The following ZNF385D variants were observed in gnomAD, a reference collection of about 807,000 sequenced individuals.
The protein encoded by ZNF385D is zinc finger protein 659.
In ZNF385D, 15 loss-of-function variants were observed where a neutral mutation model predicts 35.8. That is an observed-to-expected ratio of 0.42 (90% confidence interval 0.28 to 0.64). The LOEUF (loss-of-function observed/expected upper bound fraction) is 0.64. Ranked by LOEUF, ZNF385D falls within the 30% of genes least tolerant of loss-of-function variation. The pLI, the probability that ZNF385D is intolerant of heterozygous loss-of-function variation, is 0.23. For synonymous variants in ZNF385D, 212 were observed against 186.8 expected (o/e 1.13, Z -1.10); for missense variants, 474 against 494.6 (o/e 0.96, Z 0.39).
chr3:22,279,196 G>A (rs888085527), intron 2 of ZNF385D, among the ~76,000 whole-genome samples: 5 of 151,822 alleles, frequency 3.3e-5, no homozygotes, highest in Non-Finnish European at 7.4e-5. Flanking sequence ...TGAGATCTTG[G>A]TGTACTCATC....
chr3:22,132,834 T>G lies in ZNF385D; in HGVS notation c.325+35983A>C, dbSNP rs577380237. The stretch of plus-strand genomic sequence containing the variant: ...CTTTCTATTCTGAAATTCTAAAAAA[T>G]ATATCTTATGTAAAGCGCTAAAGAT... On this transcript the variant is annotated intron_variant, in intron 3 of 5. Coordinates refer to the ZNF385D transcript ENST00000494108. Among the ~76,000 whole-genome samples the G allele has an allele frequency of 4.6e-5, 7 of 152,230 alleles. No homozygotes were observed. In the South Asian group the frequency reaches 6.2e-4, roughly 14 times the overall value.
intron 3 of ZNF385D, among the ~76,000 whole-genome samples, chr3:22,089,081 GAT>G (rs1489302214): frequency 2.0e-5 from 3 of 152,096 alleles, no homozygotes; most frequent in African/African-American, 7.2e-5. Flanking sequence ...CCAAGAAAAA[GAT>G]ACATTTTCTT....
intron 1 of ZNF385D, among the ~76,000 whole-genome samples, chr3:21,713,270 C>A (rs569852141): frequency 6.6e-6 from 1 of 152,192 alleles, no homozygotes; most frequent in Non-Finnish European, 1.5e-5. Flanking sequence ...GACTGCCCAT[C>A]TGCAGACCTG....
At chr3:21,904,947 A>G (rs894349255) in intron 3 of ZNF385D, among the ~76,000 whole-genome samples, 1 of 152,080 alleles carries the variant, frequency 6.6e-6, no homozygotes, top group Non-Finnish European at 1.5e-5. Flanking sequence ...TTTATCTGAA[A>G]GTACAAGAAA....
At chr3:21,965,769 A>G (rs1244963434) in intron 3 of ZNF385D, among the ~76,000 whole-genome samples, 1 of 152,200 alleles carries the variant, frequency 6.6e-6, no homozygotes, top group East Asian at 1.9e-4. Flanking sequence ...ATTTTTAGAA[A>G]AGACACACTG....
intron 3 of ZNF385D, among the ~76,000 whole-genome samples, chr3:22,112,710 T>G (rs537198236): frequency 1.3e-5 from 2 of 152,060 alleles, no homozygotes; most frequent in Non-Finnish European, 1.5e-5. Flanking sequence ...AAGCTACACA[T>G]AGAAGATGAA....
Position 22,174,740 on chromosome 3 carries a change from T to C in ZNF385D, c.107-5705A>G, listed in dbSNP as rs187313020. Among the ~76,000 whole-genome samples, 175 of 152,242 alleles carry C rather than the reference T, an allele frequency of 1.1e-3. 1 individual carries two copies. Among genetic ancestry groups the C allele is most frequent in the Middle Eastern group, 3.4e-3 (1 of 294 alleles). ...TAGAGATACTTCATGGCGATAACAC[T>C]GAAATACAACTAGTCAGGGTAGATG... On this transcript the variant is annotated intron_variant, in intron 2 of 5. Coordinates refer to the ZNF385D transcript ENST00000494108.
intron 4 of ZNF385D, among the ~76,000 whole-genome samples, chr3:21,437,722 G>A (rs73045437): frequency 0.33 from 8,787 of 26,530 alleles, 452 homozygotes; most frequent in Non-Finnish European, 0.42. Flanking sequence ...AAAAAAAACC[G>A]GAACCCTGAT....
chr3:21,662,804 A>C (rs2066278986), intron 2 of ZNF385D, among the ~76,000 whole-genome samples: 1 of 152,220 alleles, frequency 6.6e-6, no homozygotes, highest in African/African-American at 2.4e-5. Context: ...AAACTTTTGC[A>C]ATCAGTTAGA....
intron 3 of ZNF385D, among the ~76,000 whole-genome samples, chr3:21,817,009 G>C (rs2073179246): frequency 1.3e-5 from 2 of 152,130 alleles, no homozygotes; most frequent in Admixed American, 1.3e-4. Flanking sequence ...GAACAGAACA[G>C]AGCCCTCAGA....
chr3:21,586,329 A>G (rs1309945604), intron 2 of ZNF385D, among the ~76,000 whole-genome samples: 1 of 152,184 alleles, frequency 6.6e-6, no homozygotes, highest in African/African-American at 2.4e-5. Context: ...GGAAGATTAA[A>G]TGAAATAATA....
chr3:21,980,908 TA>T (rs1473247313), intron 3 of ZNF385D, among the ~76,000 whole-genome samples: 1 of 152,196 alleles, frequency 6.6e-6, no homozygotes, highest in Non-Finnish European at 1.5e-5. Flanking sequence ...ATTCTTTTTT[TA>T]TGGTTGCATA....
rs75930128 is a variant in ZNF385D at position 21,832,898 on chromosome 3, T to C, written c.326-167870A>G. ...TGCACCAGATATTCAGTTCATTCAC[T>C]GATTCCCCTTAATGATATACTTGTG... On this transcript the variant is annotated intron_variant, in intron 3 of 5. Coordinates refer to the ZNF385D transcript ENST00000494108. 9.6e-3 allele frequency among the ~76,000 whole-genome samples: 1,467 copies of C among 152,332 alleles called. 23 individuals carry two copies. The highest frequency in any genetic ancestry group is 0.013 in the Non-Finnish European group (853 of 68,024).
At chr3:21,546,723 TG>T (rs2062385289) in intron 3 of ZNF385D, among the ~76,000 whole-genome samples, 1 of 151,982 alleles carries the variant, frequency 6.6e-6, no homozygotes. Context: ...TCCTGTTTCA[TG>T]GATAAAGGCC....
At chr3:22,193,061 G>C (rs553845357) in intron 2 of ZNF385D, among the ~76,000 whole-genome samples, 1 of 152,122 alleles carries the variant, frequency 6.6e-6, no homozygotes, top group Non-Finnish European at 1.5e-5. Flanking sequence ...GATAAGACAA[G>C]AGTAACCGTT....
At chr3:22,015,661 C>G (rs942307106) in intron 3 of ZNF385D, among the ~76,000 whole-genome samples, 3 of 152,118 alleles carry the variant, frequency 2.0e-5, no homozygotes, top group Non-Finnish European at 4.4e-5. Flanking sequence ...TTTCTAACAA[C>G]AATGGCTTTA....
intron 3 of ZNF385D, among the ~76,000 whole-genome samples, chr3:21,964,776 G>T (rs1702813002): frequency 7.0e-6 from 1 of 143,016 alleles, no homozygotes; most frequent in Non-Finnish European, 1.5e-5. Context: ...ATAGGCATGA[G>T]CCACTGCGCC....
intron 2 of ZNF385D, among the ~76,000 whole-genome samples, chr3:22,216,916 G>A (rs1190283279): frequency 1.3e-5 from 2 of 152,106 alleles, no homozygotes; most frequent in Non-Finnish European, 2.9e-5. Context: ...ATATGATGAA[G>A]ATGAGTGAGC....
chr3:21,823,718 G>T (rs979699900), intron 3 of ZNF385D, among the ~76,000 whole-genome samples: 1 of 152,010 alleles, frequency 6.6e-6, no homozygotes, highest in Non-Finnish European at 1.5e-5. Context: ...AACCACAGAA[G>T]GTATGTTTCC....
Sources: gnomAD v4.1 joint callset for allele counts (sites outside exome capture counted in the v4.1 genomes callset) on GRCh38, gnomAD v4.1.1 for gene constraint, MANE v1.5 for transcripts, NCBI Gene and HGNC (gene_info 2026-07-23, HGNC 2026-07-21) for gene names.